The following ZNF320 variants were observed in gnomAD, a reference collection of about 807,000 sequenced individuals.
The protein encoded by ZNF320 is zinc finger protein 320.
In ZNF320, 2 loss-of-function variants were observed where a neutral mutation model predicts 6.8. The observed-to-expected ratio is 0.29, with a 90% confidence interval of 0.12 to 0.93. The LOEUF (loss-of-function observed/expected upper bound fraction) is 0.93. Ranked by LOEUF, ZNF320 falls within the 40% of genes least tolerant of loss-of-function variation. The probability of loss-of-function intolerance (pLI) is 0.55; values close to 1 mark genes in which losing one functional copy is unlikely to be tolerated. For missense variants in ZNF320, 472 were observed against 611.0 expected, an observed-to-expected ratio of 0.77 and a Z score of 2.40; for synonymous variants, 208 against 203.2, an observed-to-expected ratio of 1.02 and a Z score of -0.20.
intron 5 of ZNF320, among the ~76,000 whole-genome samples, chr19:52,885,617 G>A (rs538765193): frequency 1.3e-5 from 2 of 152,306 alleles, no homozygotes; most frequent in South Asian, 4.1e-4. Flanking sequence ...TCAGGAGGCT[G>A]AGGCAGGAGA....
chr19:52,892,072 G>C (rs1318519308), intron 2 of ZNF320: 2 of 152,342 alleles, frequency 1.3e-5, no homozygotes, highest in Non-Finnish European at 2.9e-5. Context: ...TACTGACCTT[G>C]AAAACAGGGA....
downstream of ZNF320, among the ~76,000 whole-genome samples, chr19:52,874,771 G>A (rs115649072): frequency 0.013 from 1,927 of 152,210 alleles, 39 homozygotes; most frequent in African/African-American, 0.044. Context: ...GATCACAAAA[G>A]TTTCCATAGA....
At chr19:52,889,412 A>T (rs1424210053) in intron 4 of ZNF320, among the ~76,000 whole-genome samples, 2 of 152,026 alleles carry the variant, frequency 1.3e-5, no homozygotes, top group African/African-American at 2.4e-5. Context: ...AGATCATGCC[A>T]CTGTACTCCA....
rs930755122 is a variant in ZNF320 at position 52,880,428 on chromosome 19, T to C, written c.*168A>G. ...GTTGGCCAGGCTGGTCTCAAATTCA[T>C]GACCTCAAGTGACCTACCTGTCTTG... On this transcript the variant is annotated 3_prime_UTR_variant, in exon 6 of 6. Coordinates refer to ENST00000682928, the MANE Select transcript of ZNF320 (RefSeq NM_001351774.2). 6.9e-6 allele frequency: 4 copies of C among 575,566 alleles called. No homozygotes were observed. The highest frequency in any genetic ancestry group is 1.2e-5 in the Non-Finnish European group (4 of 343,194). The allele number at this position is 575,566 out of a possible 1,614,324, so 35.7% of individuals were successfully genotyped here.
Position 52,865,698 on chromosome 19 carries a change from T to C in ZNF320, c.224-1539A>G, listed in dbSNP as rs551090732. ...TATGATTATACATATATATTATACA[T>C]ATATTTATATATGATTATACACATA... On this transcript the variant is annotated intron_variant, in intron 5 of 5. Transcript: ENST00000673631. 4.5e-3 allele frequency among the ~76,000 whole-genome samples: 580 copies of C among 128,998 alleles called. 8 individuals carry two copies. Among genetic ancestry groups the C allele is most frequent in the Middle Eastern group, 9.7e-3 (2 of 206 alleles). 84.6% of individuals were successfully genotyped at this position (128,998 alleles called of 152,430 possible).
chr19:52,875,202 C>T (rs566157995), downstream of ZNF320, among the ~76,000 whole-genome samples: 9 of 152,316 alleles, frequency 5.9e-5, no homozygotes, highest in South Asian at 1.9e-3. Context: ...AATACACTGT[C>T]ACCCTCATCT....
intron 5 of ZNF320, among the ~76,000 whole-genome samples, chr19:52,885,293 C>T (rs751026652): frequency 2.6e-5 from 4 of 151,686 alleles, no homozygotes; most frequent in Non-Finnish European, 4.4e-5. Flanking sequence ...ATAAAAAAAA[C>T]GGGTAGGCTG....
At chr19:52,900,712 T>C (rs888382632), upstream of ZNF320, among the ~76,000 whole-genome samples, 5 of 152,234 alleles carry the variant, frequency 3.3e-5, no homozygotes, top group South Asian at 1.0e-3. Flanking sequence ...ATTTACATTT[T>C]TTTTTTAATT....
Position 52,881,129 on chromosome 19 carries a change from C to T in ZNF320, c.997G>A (p.Glu333Lys), listed in dbSNP as rs1285033190. 1 of 1,614,134 alleles carries T rather than the reference C, an allele frequency of 6.2e-7. No homozygotes were observed. Among genetic ancestry groups the T allele is most frequent in the Non-Finnish European group, 8.5e-7 (1 of 1,180,026 alleles). ...HTGEKPYRCEECDKVFSRKSH... is the reference protein window; with the variant it reads ...HTGEKPYRCEKCDKVFSRKSH... ...TTGCGACTGAAAACTTTGTCGCATT[C>T]TTCACATCTGTAAGGTTTCTCTCCA... Residue 333 changes from glutamate (E) to lysine (K), a missense_variant, in exon 6 of 6, where the codon GAA becomes AAA. Transcript: ENST00000682928.
rs557987030 is a variant in ZNF320 at position 52,890,492 on chromosome 19, C to A, written c.-73-164G>T. On this transcript the variant is annotated intron_variant, in intron 3 of 5. Transcript: ENST00000682928. The stretch of plus-strand genomic sequence containing the variant: ...CTACAGGAAAACTCCCACTACCCTA[C>A]TGGAGGAGTCCACACACACGCTGCA... The A allele has an allele frequency of 5.6e-5, 32 of 570,758 alleles. No individual in the cohort carries two copies. In the East Asian group the frequency reaches 7.8e-4, roughly 14 times the overall value. The allele number at this position is 570,758 out of a possible 1,614,324, so 35.4% of individuals were successfully genotyped here.
Position 52,890,222 on chromosome 19 carries a change from A to C in ZNF320, c.15+19T>G, listed in dbSNP as rs1053274486. 3.7e-6 allele frequency: 6 copies of C among 1,606,864 alleles called. No homozygotes were observed. The highest frequency in any genetic ancestry group is 4.2e-6 in the Non-Finnish European group (5 of 1,179,480). On this transcript the variant is annotated intron_variant, in intron 4 of 5. Coordinates refer to ENST00000682928, the MANE Select transcript of ZNF320 (RefSeq NM_001351774.2). Reference sequence around the variant, plus strand: ...TGAAAGGAAGGAGACAGAACAATCCACCGAGAATATCATCTCACCTGAGAA... The same window carrying C: ...TGAAAGGAAGGAGACAGAACAATCCCCCGAGAATATCATCTCACCTGAGAA...
chr19:52,859,688 G>C (rs759537466), downstream of ZNF320, among the ~76,000 whole-genome samples: 25 of 152,134 alleles, frequency 1.6e-4, no homozygotes, highest in Non-Finnish European at 2.9e-4. Flanking sequence ...CTTGACTGGT[G>C]ATGGATTGAT....
At chr19:52,898,043 TG>T (rs1262959719), upstream of ZNF320, among the ~76,000 whole-genome samples, 2 of 152,224 alleles carry the variant, frequency 1.3e-5, no homozygotes, top group Non-Finnish European at 2.9e-5. Flanking sequence ...GAAAGTTCCT[TG>T]CTATTGAAAT....
At chr19:52,868,766 G>A (rs910202617) in intron 5 of ZNF320, among the ~76,000 whole-genome samples, 3 of 152,036 alleles carry the variant, frequency 2.0e-5, no homozygotes, top group African/African-American at 7.3e-5. Flanking sequence ...ATACAAGCAA[G>A]GGCTGAGCTG....
At chr19:52,863,937 A>C (rs1447516335) in exon 6 of ZNF320, 2 of 394,066 alleles carry the variant, frequency 5.1e-6, no homozygotes, top group Admixed American at 6.2e-5. Context: ...CATCAAAAGC[A>C]CGTATGGGGC....
chr19:52,889,424 C>T lies in ZNF320; in HGVS notation c.15+817G>A, dbSNP rs138619970. Among the ~76,000 whole-genome samples, 1,017 of 151,662 alleles carry T rather than the reference C, an allele frequency of 6.7e-3. 8 individuals carry two copies. The highest frequency in any genetic ancestry group is 0.023 in the African/African-American group (962 of 41,322). On this transcript the variant is annotated intron_variant, in intron 4 of 5. Coordinates refer to ENST00000682928, the MANE Select transcript of ZNF320 (RefSeq NM_001351774.2). ...CCAAGATCATGCCACTGTACTCCAGCGTGGGTGACAGAGCAAGACTCCATT... is the reference window on the plus strand; with the variant it reads ...CCAAGATCATGCCACTGTACTCCAGTGTGGGTGACAGAGCAAGACTCCATT...
intron 5 of ZNF320, among the ~76,000 whole-genome samples, chr19:52,887,656 G>A (rs558531063): frequency 8.0e-4 from 121 of 152,168 alleles, no homozygotes; most frequent in African/African-American, 2.7e-3. Flanking sequence ...GTGTGTTCTC[G>A]GCTCACTGCA....
At chr19:52,873,708 G>A (rs1264066567), downstream of ZNF320, among the ~76,000 whole-genome samples, 1 of 152,156 alleles carries the variant, frequency 6.6e-6, no homozygotes, top group African/African-American at 2.4e-5. Context: ...AAACCCTGCT[G>A]CCCAACATCA....
chr19:52,897,037 C>A (rs963795699), intron 1 of ZNF320, among the ~76,000 whole-genome samples: 4 of 152,230 alleles, frequency 2.6e-5, no homozygotes, highest in Admixed American at 6.5e-5. Flanking sequence ...AAGGGGTAGC[C>A]CATAGGGACC....
Sources: gnomAD v4.1 joint callset for allele counts (sites outside exome capture counted in the v4.1 genomes callset) on GRCh38, gnomAD v4.1.1 for gene constraint, MANE v1.5 for transcripts, NCBI Gene and HGNC (gene_info 2026-07-23, HGNC 2026-07-21) for gene names.